Variants in COMMD1 observed in about 807,000 individuals in gnomAD.
The protein encoded by COMMD1 is COMM domain-containing protein 1.
COMMD1 carries 10 observed loss-of-function variants against 17.2 expected under a neutral mutation model. The ratio of observed to expected loss-of-function variants is 0.58; its 90% CI spans 0.36 to 0.99. The LOEUF (loss-of-function observed/expected upper bound fraction) is 0.99, where lower values mean the gene tolerates loss of function less well. COMMD1 is among the 50% of genes least tolerant of loss of function. COMMD1 has a pLI of 0.01. For missense variants in COMMD1, 270 were observed against 231.8 expected, an observed-to-expected ratio of 1.17 and a Z score of -1.07; for synonymous variants, 97 against 91.6, an observed-to-expected ratio of 1.06 and a Z score of -0.34.
intron 2 of COMMD1, among the ~76,000 whole-genome samples, chr2:62,057,723 C>G (rs1196591618): frequency 1.3e-5 from 2 of 151,832 alleles, no homozygotes; most frequent in Admixed American, 1.3e-4. Flanking sequence ...GCATGCACCA[C>G]CATACCTGGC....
chr2:62,112,207 G>GT (rs1252909251), intron 2 of COMMD1, among the ~76,000 whole-genome samples: 2 of 152,182 alleles, frequency 1.3e-5, no homozygotes, highest in African/African-American at 4.8e-5. Context: ...GGGTGGTCAT[G>GT]TTGAATAAAG....
At chr2:62,072,349 G>A (rs1295664263) in intron 2 of COMMD1, among the ~76,000 whole-genome samples, 1 of 152,036 alleles carries the variant, frequency 6.6e-6, no homozygotes, top group Non-Finnish European at 1.5e-5. Flanking sequence ...GCCCACCCAT[G>A]GACCAATCAG....
At chr2:62,020,548 TCTGCC>T (rs1669582881) in intron 2 of COMMD1, among the ~76,000 whole-genome samples, 5 of 152,360 alleles carry the variant, frequency 3.3e-5, no homozygotes, top group Admixed American at 3.3e-4. Context: ...GGGCAGTGTT[TCTGCC>T]AATATAACTT....
intron 2 of COMMD1, among the ~76,000 whole-genome samples, chr2:62,123,893 G>T (rs1447403079): frequency 6.6e-6 from 1 of 151,974 alleles, no homozygotes. Flanking sequence ...AACCTAGGCT[G>T]AGGGCAGTAG....
chr2:62,073,863 A>G (rs537730578), intron 2 of COMMD1, among the ~76,000 whole-genome samples: 2 of 152,092 alleles, frequency 1.3e-5, no homozygotes, highest in African/African-American at 4.8e-5. Flanking sequence ...ATGCTTGGCT[A>G]ATTTTTGTAT....
At chr2:61,975,118 C>CTTTTTTTTTTTTTATTTTTTTTT (rs1671760555) in intron 1 of COMMD1, among the ~76,000 whole-genome samples, 1 of 80,166 alleles carries the variant, frequency 1.2e-5, no homozygotes, top group Non-Finnish European at 2.4e-5. Context: ...TCATTTCTTT[C>CTTTTTTTTTTTTTATTTTTTTTT]TTTTTTTTTT....
chr2:61,895,037 A>G (rs747880533), intron 1 of COMMD1, among the ~76,000 whole-genome samples: 31 of 152,224 alleles, frequency 2.0e-4, no homozygotes, highest in Non-Finnish European at 4.0e-4. Flanking sequence ...TGCAATCAGT[A>G]AAATGTAGAA....
At chr2:62,078,782 C>T (rs1671429887) in intron 2 of COMMD1, among the ~76,000 whole-genome samples, 1 of 151,088 alleles carries the variant, frequency 6.6e-6, no homozygotes, top group African/African-American at 2.4e-5. Flanking sequence ...TAGGCTGAGG[C>T]AGGAGAATGG....
chr2:61,960,174 GA>G (rs1470068145), intron 1 of COMMD1, among the ~76,000 whole-genome samples: 13 of 152,088 alleles, frequency 8.5e-5, no homozygotes, highest in South Asian at 4.1e-4. Context: ...CTTATAGTAA[GA>G]AATTGTGACT....
intron 1 of COMMD1, among the ~76,000 whole-genome samples, chr2:61,939,263 C>T (rs544810383): frequency 1.1e-4 from 16 of 147,128 alleles, no homozygotes; most frequent in Non-Finnish European, 1.9e-4. Flanking sequence ...ACCACCCTGG[C>T]TAACACGGTG....
intron 1 of COMMD1, chr2:61,969,028 G>C (rs1003923082): frequency 2.3e-6 from 1 of 444,408 alleles, no homozygotes; most frequent in Non-Finnish European, 4.5e-6. Context: ...GCACAATCAT[G>C]GCACACCGTG....
chr2:61,914,496 C>T (rs567255722), intron 1 of COMMD1, among the ~76,000 whole-genome samples: 22 of 151,832 alleles, frequency 1.4e-4, no homozygotes, highest in African/African-American at 5.1e-4. Context: ...TTGCTTGAAC[C>T]CCAGAGGTGG....
chr2:62,011,709 TA>T, intron 2 of COMMD1, among the ~76,000 whole-genome samples: 1 of 152,296 alleles, frequency 6.6e-6, no homozygotes, highest in East Asian at 1.9e-4. Context: ...AGAAAGTTGT[TA>T]ATAATTAGTG....
chr2:61,963,167 A>ATATAT (rs1344942603), intron 1 of COMMD1, among the ~76,000 whole-genome samples: 3 of 141,928 alleles, frequency 2.1e-5, no homozygotes, highest in African/African-American at 8.3e-5. Context: ...CTCAAAAAAA[A>ATATAT]AAATATATAT....
chr2:61,912,302 C>A (rs1669924226), intron 1 of COMMD1, among the ~76,000 whole-genome samples: 1 of 152,048 alleles, frequency 6.6e-6, no homozygotes, highest in South Asian at 2.1e-4. Flanking sequence ...GTGGAGATTG[C>A]TATTAAAAAG....
At position 62,050,987 on chromosome 2, in the gene COMMD1, AC is replaced by A. The variant is rs549166924; in HGVS notation, c.462+50006del. On this transcript the variant is annotated intron_variant, in intron 2 of 2. Transcript: ENST00000311832. ...CAAGTTTACCTTGATATGTACAGGT[AC>A]TTAAAATCTGTAGGTGAAATTGTTA... is the stretch of plus-strand genomic sequence containing the variant. Among the ~76,000 whole-genome samples, 331 of 152,292 alleles carry A rather than the reference AC, an allele frequency of 2.2e-3. 1 individual carries two copies. The highest frequency in any genetic ancestry group is 7.4e-3 in the African/African-American group (308 of 41,592).
At chr2:61,896,594 A>G (rs896864034) in intron 1 of COMMD1, among the ~76,000 whole-genome samples, 44 of 152,032 alleles carry the variant, frequency 2.9e-4, no homozygotes, top group African/African-American at 1.0e-3. Flanking sequence ...CAAAACCCCA[A>G]ATCTGATCTT....
At chr2:61,992,483 ACAT>A (rs1672276381) in intron 1 of COMMD1, among the ~76,000 whole-genome samples, 1 of 152,282 alleles carries the variant, frequency 6.6e-6, no homozygotes, top group South Asian at 2.1e-4. Flanking sequence ...GGGTCTGCAA[ACAT>A]CAGCCCACAG....
intron 1 of COMMD1, among the ~76,000 whole-genome samples, chr2:61,907,350 C>T (rs1313232674): frequency 6.6e-6 from 1 of 152,228 alleles, no homozygotes; most frequent in East Asian, 1.9e-4. Context: ...CGTTATCCGC[C>T]TGCCTCGGCC....
Sources: allele counts gnomAD v4.1 joint callset (sites outside exome capture counted in the v4.1 genomes callset), GRCh38; gene constraint gnomAD v4.1.1; transcripts MANE v1.5; gene names NCBI Gene and HGNC (gene_info 2026-07-23, HGNC 2026-07-21).